The following PTPRD variants were observed in gnomAD, a reference collection of about 807,000 sequenced individuals.
The protein encoded by PTPRD is receptor-type tyrosine-protein phosphatase delta.
A neutral mutation model predicts 214.5 loss-of-function variants in PTPRD; 34 were observed. The observed-to-expected ratio is 0.16, with a 90% CI of 0.12 to 0.21. The LOEUF (loss-of-function observed/expected upper bound fraction) is 0.21, where lower values mean the gene tolerates loss of function less well. PTPRD is among the 10% of genes least tolerant of loss of function. PTPRD has a pLI of 1.00. For missense variants in PTPRD, 2,545 were observed against 2,398.7 expected (o/e 1.06, Z -1.27); for synonymous variants, 1,128 against 845.7 (o/e 1.33, Z -5.79).
chr9:8,887,840 C>A (rs186378592), intron 11 of PTPRD, among the ~76,000 whole-genome samples: 2 of 152,146 alleles, frequency 1.3e-5, no homozygotes, highest in Non-Finnish European at 2.9e-5. Flanking sequence ...ATTATTTCCC[C>A]GCCACTTTCA....
chr9:8,708,310 C>G (rs1015626551), intron 12 of PTPRD, among the ~76,000 whole-genome samples: 3 of 152,024 alleles, frequency 2.0e-5, no homozygotes, highest in Non-Finnish European at 4.4e-5. Flanking sequence ...AACCCATACA[C>G]GCTACTGGTG....
intron 37 of PTPRD, among the ~76,000 whole-genome samples, chr9:8,388,250 A>G (rs2087955819): frequency 6.6e-6 from 1 of 152,118 alleles, no homozygotes; most frequent in African/African-American, 2.4e-5. Context: ...CCATGTGTTG[A>G]GCTTAGAAGA....
intron 12 of PTPRD, among the ~76,000 whole-genome samples, chr9:8,644,710 A>T (rs2154338405): frequency 6.6e-6 from 1 of 152,270 alleles, no homozygotes; most frequent in South Asian, 2.1e-4. Flanking sequence ...CCTCACGGAG[A>T]ACTGGCAGCC....
At chr9:8,840,982 T>C (rs1264556680) in intron 11 of PTPRD, among the ~76,000 whole-genome samples, 1 of 152,176 alleles carries the variant, frequency 6.6e-6, no homozygotes, top group Non-Finnish European at 1.5e-5. Flanking sequence ...CCCCAGTCTC[T>C]TTTCCTATAA....
At chr9:8,996,567 T>TAAAC (rs1286446966) in intron 11 of PTPRD, among the ~76,000 whole-genome samples, 1 of 152,004 alleles carries the variant, frequency 6.6e-6, no homozygotes, top group Non-Finnish European at 1.5e-5. Context: ...GGGTAGTTTA[T>TAAAC]AAACAGAAAT....
chr9:8,561,540 G>GT (rs1309989252), intron 14 of PTPRD, among the ~76,000 whole-genome samples: 2 of 152,150 alleles, frequency 1.3e-5, no homozygotes, highest in Non-Finnish European at 2.9e-5. Flanking sequence ...CCAAGCCGGT[G>GT]TACAAGCGAG....
At chr9:8,813,928 T>C (rs1207940501) in intron 11 of PTPRD, among the ~76,000 whole-genome samples, 1 of 152,206 alleles carries the variant, frequency 6.6e-6, no homozygotes, top group Non-Finnish European at 1.5e-5. Flanking sequence ...CTGAGTTAGT[T>C]ATTTCTCTTA....
At chr9:8,634,676 T>C (rs1000213442) in intron 13 of PTPRD, among the ~76,000 whole-genome samples, 2 of 152,068 alleles carry the variant, frequency 1.3e-5, no homozygotes, top group Non-Finnish European at 2.9e-5. Context: ...TAGTTTCATA[T>C]TGGAAGCTTT....
intron 2 of PTPRD, among the ~76,000 whole-genome samples, chr9:10,588,283 A>C (rs932674428): frequency 6.6e-6 from 1 of 152,016 alleles, no homozygotes; most frequent in African/African-American, 2.4e-5. Context: ...GGTAGTGCAA[A>C]GTACATGAGT....
At chr9:9,229,605 G>A (rs536257227) in intron 9 of PTPRD, among the ~76,000 whole-genome samples, 1 of 152,106 alleles carries the variant, frequency 6.6e-6, no homozygotes, top group East Asian at 1.9e-4. Flanking sequence ...AAATACTCGG[G>A]TTTACTCTCA....
intron 8 of PTPRD, among the ~76,000 whole-genome samples, chr9:9,452,554 G>A (rs965203134): frequency 1.3e-5 from 2 of 150,986 alleles, no homozygotes; most frequent in Admixed American, 6.6e-5. Context: ...ACAGAAGTTG[G>A]CTTAACTTAT....
intron 9 of PTPRD, among the ~76,000 whole-genome samples, chr9:9,395,098 C>T (rs1283528240): frequency 6.6e-6 from 1 of 151,790 alleles, no homozygotes; most frequent in Non-Finnish European, 1.5e-5. Flanking sequence ...GATGTCTCCT[C>T]TCTCCTTTCT....
intron 8 of PTPRD, among the ~76,000 whole-genome samples, chr9:9,495,163 C>T (rs2096114036): frequency 6.6e-6 from 1 of 151,998 alleles, no homozygotes; most frequent in Non-Finnish European, 1.5e-5. Flanking sequence ...ACATAACTTA[C>T]CTCAAAATGG....
chr9:9,604,758 A>G (rs2154340282), intron 7 of PTPRD, among the ~76,000 whole-genome samples: 1 of 152,108 alleles, frequency 6.6e-6, no homozygotes, highest in South Asian at 2.1e-4. Context: ...AACATCATCC[A>G]TTTCTATGGC....
At chr9:9,830,385 C>T (rs1177372157) in intron 5 of PTPRD, among the ~76,000 whole-genome samples, 1 of 151,512 alleles carries the variant, frequency 6.6e-6, no homozygotes, top group East Asian at 1.9e-4. Context: ...AGAAAATATA[C>T]CTGATATTTG....
At chr9:9,104,894 C>T (rs1039875950) in intron 10 of PTPRD, among the ~76,000 whole-genome samples, 1 of 152,094 alleles carries the variant, frequency 6.6e-6, no homozygotes, top group African/African-American at 2.4e-5. Context: ...AAACTGGTGG[C>T]TGGATTCCAG....
chr9:9,450,226 C>T (rs549509582), intron 8 of PTPRD, among the ~76,000 whole-genome samples: 3 of 151,848 alleles, frequency 2.0e-5, no homozygotes, highest in African/African-American at 4.8e-5. Flanking sequence ...TGCTATAAAC[C>T]TGCATGTGCA....
rs971618897 is a variant in PTPRD at position 8,449,807 on chromosome 9, G to A, written c.3906C>T (p.Ser1302=). The change falls in exon 34 of 46, where the codon AGC becomes AGT. Residue 1302 remains serine (S), a synonymous_variant. Transcript: ENST00000381196. ...GGATCTCCTTATTGTTCGGTATGCT[G>A]CTTTTTCTAGAGTCGGACTCTGCCC... is the stretch of plus-strand genomic sequence containing the variant. ...RKRAESDSRK[S]SIPNNKEIPS... is the part of the protein sequence containing the mutation. 2.5e-6 allele frequency: 4 copies of A among 1,613,910 alleles called. No individual in the cohort carries two copies. Among genetic ancestry groups the A allele is most frequent in the African/African-American group, 1.3e-5 (1 of 74,916 alleles).
chr9:9,447,736 C>T (rs768509796), intron 8 of PTPRD, among the ~76,000 whole-genome samples: 28 of 152,058 alleles, frequency 1.8e-4, no homozygotes, highest in Non-Finnish European at 3.4e-4. Context: ...CATTTGATTA[C>T]AATTGCTATG....
Sources: gnomAD v4.1 joint callset for allele counts (sites outside exome capture counted in the v4.1 genomes callset) on GRCh38, gnomAD v4.1.1 for gene constraint, MANE v1.5 for transcripts, NCBI Gene and HGNC (gene_info 2026-07-23, HGNC 2026-07-21) for gene names.